NCOA1: variants seen among roughly 807,000 people sequenced by gnomAD.
The protein encoded by NCOA1 is Hin-2 protein.
NCOA1 carries 35 observed loss-of-function variants against 150.9 expected under a neutral mutation model. That is an observed-to-expected ratio of 0.23 (90% CI 0.18 to 0.31). The LOEUF (loss-of-function observed/expected upper bound fraction) is 0.31, where lower values mean the gene tolerates loss of function less well. Ranked by LOEUF, NCOA1 falls within the 10% of genes least tolerant of loss-of-function variation. NCOA1 has a pLI of 1.00. For synonymous variants in NCOA1, 590 were observed against 630.0 expected (o/e 0.94, Z 0.95); for missense variants, 1,491 against 1,749.3 (o/e 0.85, Z 2.63).
intron 20 of NCOA1, among the ~76,000 whole-genome samples, chr2:24,756,211 G>A (rs769400333): frequency 3.3e-5 from 5 of 152,038 alleles, no homozygotes; most frequent in Admixed American, 6.6e-5. Context: ...CTGAGTTTGC[G>A]CCATTGCACT....
Position 24,710,813 on chromosome 2 carries a change from C to G in NCOA1, c.2419-118C>G, listed in dbSNP as rs1348181055. 5.2e-6 allele frequency: 5 copies of G among 955,926 alleles called. No individual in the cohort carries two copies. The East Asian group carries it at 1.3e-4, about 25-fold the overall frequency. 59.2% of individuals were successfully genotyped at this position (955,926 alleles called of 1,614,324 possible). A position where few individuals can be genotyped will look rare whatever the true frequency, so the allele number is the denominator to read the frequency against. ...CAATCATTCTAATTATTTCTTCTTTCTTCATTATCTCAAAGTCACACTGAA... is the reference window on the plus strand; with the variant it reads ...CAATCATTCTAATTATTTCTTCTTTGTTCATTATCTCAAAGTCACACTGAA... On this transcript the variant is annotated intron_variant, in intron 13 of 22. Transcript: ENST00000348332.
chr2:24,596,024 A>G (rs55911045), intron 3 of NCOA1, among the ~76,000 whole-genome samples: 1 of 152,252 alleles, frequency 6.6e-6, no homozygotes, highest in African/African-American at 2.4e-5. Flanking sequence ...GACTATAAGA[A>G]TCTCAGACCT....
intron 3 of NCOA1, among the ~76,000 whole-genome samples, chr2:24,632,341 G>A (rs948905814): frequency 5.9e-5 from 9 of 152,148 alleles, no homozygotes; most frequent in African/African-American, 2.2e-4. Flanking sequence ...AAGTTAAGAA[G>A]GGAAGTGAAC....
At chr2:24,523,198 C>A (rs1664493947) in intron 1 of NCOA1, among the ~76,000 whole-genome samples, 1 of 152,188 alleles carries the variant, frequency 6.6e-6, no homozygotes, top group South Asian at 2.1e-4. Flanking sequence ...GTTGTTTTTA[C>A]TGCCCCGATC....
intron 21 of NCOA1, 126 bp from the exon 22 acceptor site, chr2:24,762,561 G>A (rs1403852595): frequency 2.1e-5 from 17 of 797,792 alleles, no homozygotes; most frequent in Non-Finnish European, 3.3e-5. Flanking sequence ...ACAGTTAATT[G>A]CTAAGCTTTT....
chr2:24,627,799 T>G (rs1050389122), intron 3 of NCOA1, among the ~76,000 whole-genome samples: 8 of 152,214 alleles, frequency 5.3e-5, no homozygotes, highest in Non-Finnish European at 1.0e-4. Flanking sequence ...GGTTTAATTT[T>G]TAGGTTTTTG....
chr2:24,697,844 T>C (rs758726286), intron 11 of NCOA1, 46 bp downstream of exon 11: 2 of 1,554,016 alleles, frequency 1.3e-6, no homozygotes, highest in Non-Finnish European at 1.8e-6. Flanking sequence ...TTATCTTTAC[T>C]GATATTTGAA....
chr2:24,745,853 C>G (rs2148668890), intron 19 of NCOA1, among the ~76,000 whole-genome samples: 1 of 152,286 alleles, frequency 6.6e-6, no homozygotes, highest in East Asian at 1.9e-4. Context: ...CAGCACAGAC[C>G]TTGTTCTCTT....
chr2:24,620,652 A>G (rs1669101481), intron 3 of NCOA1, among the ~76,000 whole-genome samples: 1 of 152,214 alleles, frequency 6.6e-6, no homozygotes, highest in Admixed American at 6.5e-5. Flanking sequence ...CTTTCTGGGA[A>G]TATGCAAAAT....
At chr2:24,727,036 G>T (rs540827986) in intron 15 of NCOA1, among the ~76,000 whole-genome samples, 32 of 151,246 alleles carry the variant, frequency 2.1e-4, no homozygotes, top group African/African-American at 7.3e-4. Context: ...TACTCAGGAG[G>T]CTGAGGCAGG....
intron 2 of NCOA1, among the ~76,000 whole-genome samples, chr2:24,569,670 G>C (rs1286986129): frequency 7.1e-6 from 1 of 140,556 alleles, no homozygotes; most frequent in Non-Finnish European, 1.5e-5. Flanking sequence ...AGGAGTTCAA[G>C]ACCAACCTGG....
intron 1 of NCOA1, among the ~76,000 whole-genome samples, chr2:24,533,353 C>T (rs1019230635): frequency 3.9e-4 from 60 of 152,228 alleles, no homozygotes; most frequent in African/African-American, 1.3e-3. Context: ...TGGGCTGAGA[C>T]GATGCGGTTT....
At chr2:24,657,395 G>T (rs1471372111) in intron 4 of NCOA1, among the ~76,000 whole-genome samples, 7 of 152,178 alleles carry the variant, frequency 4.6e-5, no homozygotes, top group Admixed American at 4.6e-4. Context: ...GGAAAAATTA[G>T]CAGGATCTGA....
intron 4 of NCOA1, among the ~76,000 whole-genome samples, chr2:24,649,693 A>G (rs975169058): frequency 6.6e-6 from 1 of 152,220 alleles, no homozygotes; most frequent in Non-Finnish European, 1.5e-5. Flanking sequence ...GGAAAATATT[A>G]GGTTTTAAAA....
intron 11 of NCOA1, among the ~76,000 whole-genome samples, chr2:24,698,352 G>A (rs1477262017): frequency 2.0e-5 from 3 of 151,954 alleles, no homozygotes; most frequent in Non-Finnish European, 4.4e-5. Context: ...TCAGTATCAT[G>A]CCTGTTTACT....
intron 17 of NCOA1, among the ~76,000 whole-genome samples, chr2:24,732,946 AAG>A (rs1572656662): frequency 1.3e-5 from 2 of 152,252 alleles, no homozygotes; most frequent in South Asian, 4.2e-4. Flanking sequence ...AAAAAGTAAA[AAG>A]GGGGAAAAAA....
intron 3 of NCOA1, among the ~76,000 whole-genome samples, chr2:24,611,897 G>A (rs1370945510): frequency 6.6e-6 from 1 of 151,958 alleles, no homozygotes; most frequent in Admixed American, 6.6e-5. Context: ...TTTAAGTGGG[G>A]CATTTAAACC....
intron 1 of NCOA1, among the ~76,000 whole-genome samples, chr2:24,501,777 T>C (rs1663473177): frequency 1.3e-5 from 2 of 152,138 alleles, no homozygotes; most frequent in South Asian, 4.1e-4. Context: ...TGAGTCTATA[T>C]ATTTATCTGG....
At chr2:24,639,712 C>A (rs932715604) in intron 3 of NCOA1, among the ~76,000 whole-genome samples, 1 of 151,244 alleles carries the variant, frequency 6.6e-6, no homozygotes, top group Non-Finnish European at 1.5e-5. Flanking sequence ...CATAATGAAA[C>A]CCCATCTCTA....
Sources: allele counts gnomAD v4.1 joint callset (sites outside exome capture counted in the v4.1 genomes callset), GRCh38; gene constraint gnomAD v4.1.1; transcripts MANE v1.5; gene names NCBI Gene and HGNC (gene_info 2026-07-23, HGNC 2026-07-21).